Variants in CNBD1 observed in about 807,000 individuals in gnomAD.
CNBD1 encodes the protein cyclic nucleotide-binding domain-containing protein 1.
CNBD1 carries 71 observed loss-of-function variants against 54.4 expected under a neutral mutation model. That is an observed-to-expected ratio of 1.30 (90% CI 1.08 to 1.59). CNBD1 has a LOEUF of 1.59. CNBD1 is among the 40% of genes most tolerant of loss of function. The pLI is 0.00. For synonymous variants in CNBD1, 182 were observed against 170.7 expected, an observed-to-expected ratio of 1.07 and a Z score of -0.51; for missense variants, 659 against 518.0, an observed-to-expected ratio of 1.27 and a Z score of -2.64.
At chr8:87,087,349 G>T (rs1811121006) in intron 4 of CNBD1, among the ~76,000 whole-genome samples, 2 of 149,092 alleles carry the variant, frequency 1.3e-5, no homozygotes, top group Non-Finnish European at 3.0e-5. Flanking sequence ...TGTTTGGAGG[G>T]GATGAAGAGA....
chr8:87,242,174 G>T (rs1475297475), intron 6 of CNBD1, among the ~76,000 whole-genome samples: 2 of 152,134 alleles, frequency 1.3e-5, no homozygotes, highest in Non-Finnish European at 2.9e-5. Context: ...GGCCCTGGAA[G>T]ATATTGAAGT....
At chr8:87,040,367 T>A (rs1270311213) in intron 4 of CNBD1, among the ~76,000 whole-genome samples, 2 of 152,200 alleles carry the variant, frequency 1.3e-5, no homozygotes, top group Admixed American at 6.5e-5. Flanking sequence ...CAATGGTGAA[T>A]TCATGTGTAT....
intron 4 of CNBD1, among the ~76,000 whole-genome samples, chr8:87,064,022 T>A (rs1810596462): frequency 6.6e-6 from 1 of 152,070 alleles, no homozygotes. Context: ...TTCTCTTATA[T>A]ACAATCATAT....
intron 4 of CNBD1, among the ~76,000 whole-genome samples, chr8:87,137,374 T>C (rs1315862144): frequency 6.8e-6 from 1 of 146,362 alleles, no homozygotes; most frequent in Non-Finnish European, 1.5e-5. Context: ...TATTTTTGAA[T>C]TTTTTTTTTT....
At chr8:87,269,137 A>G (rs904728939) in intron 6 of CNBD1, among the ~76,000 whole-genome samples, 1 of 152,228 alleles carries the variant, frequency 6.6e-6, no homozygotes, top group Non-Finnish European at 1.5e-5. Flanking sequence ...CATTTTCTTC[A>G]TATGACTAGT....
intron 8 of CNBD1, among the ~76,000 whole-genome samples, chr8:87,321,507 A>T (rs556321484): frequency 1.3e-5 from 2 of 152,160 alleles, no homozygotes; most frequent in South Asian, 2.1e-4. Context: ...AGAAATATCT[A>T]TTCAAATCTC....
intron 4 of CNBD1, among the ~76,000 whole-genome samples, chr8:86,978,537 T>G (rs1397292629): frequency 1.4e-4 from 1 of 7,350 alleles, no homozygotes; most frequent in Non-Finnish European, 2.4e-4. Context: ...CTTTTATCTT[T>G]TTTTTTTTTT....
At chr8:87,422,749 C>G (rs571424497) in intron 2 of CNBD1, among the ~76,000 whole-genome samples, 2 of 152,182 alleles carry the variant, frequency 1.3e-5, no homozygotes, top group African/African-American at 4.8e-5. Flanking sequence ...ATTGACTTGA[C>G]GATGCGGGCT....
intron 1 of CNBD1, among the ~76,000 whole-genome samples, chr8:86,869,018 G>A (rs1443547583): frequency 6.6e-6 from 1 of 152,118 alleles, no homozygotes; most frequent in Non-Finnish European, 1.5e-5. Context: ...GGGGACAAAA[G>A]CCAAGGAATT....
chr8:86,924,944 A>G (rs749126869), intron 3 of CNBD1, among the ~76,000 whole-genome samples: 12 of 152,100 alleles, frequency 7.9e-5, no homozygotes, highest in Non-Finnish European at 1.8e-4. Context: ...TTAGCTGTAT[A>G]TTTTTCTATT....
intron 1 of CNBD1, among the ~76,000 whole-genome samples, chr8:86,877,672 A>G (rs765991544): frequency 6.6e-6 from 1 of 152,162 alleles, no homozygotes; most frequent in Non-Finnish European, 1.5e-5. Context: ...TAAATCATGT[A>G]TCATGATTTC....
intron 6 of CNBD1, among the ~76,000 whole-genome samples, chr8:87,241,169 G>A (rs913506909): frequency 2.0e-5 from 3 of 151,546 alleles, no homozygotes; most frequent in African/African-American, 4.9e-5. Context: ...TGAATTTACA[G>A]TTGAAGGAGT....
chr8:87,149,073 G>A (rs1563487294), intron 4 of CNBD1, among the ~76,000 whole-genome samples: 1 of 152,170 alleles, frequency 6.6e-6, no homozygotes, highest in South Asian at 2.1e-4. Context: ...AATCAATGGG[G>A]CACACAACTT....
intron 5 of CNBD1, among the ~76,000 whole-genome samples, chr8:87,213,115 G>A (rs1338070378): frequency 6.6e-6 from 1 of 152,082 alleles, no homozygotes; most frequent in Admixed American, 6.5e-5. Flanking sequence ...CAACATTATT[G>A]TCATTAAGCA....
downstream of CNBD1, chr8:87,382,875 A>G: frequency 2.7e-6 from 1 of 371,436 alleles, no homozygotes; most frequent in East Asian, 3.9e-5. Context: ...GTTGATACGA[A>G]GGTTTTCTTT....
At position 87,337,491 on chromosome 8, in the gene CNBD1, C is replaced by T. The variant is rs1272525754; in HGVS notation, c.1043-14194C>T. 2.0e-5 allele frequency among the ~76,000 whole-genome samples: 3 copies of T among 152,218 alleles called. No individual in the cohort carries two copies. In the South Asian group the frequency reaches 6.2e-4, roughly 31 times the overall value. ...CTCAGATGGCTTAGACTGCAGGCAG[C>T]TTCAGCAGTGGTGATGGCCATTCCC... On this transcript the variant is annotated intron_variant, in intron 8 of 10. Coordinates refer to ENST00000518476, the MANE Select transcript of CNBD1 (RefSeq NM_173538.3).
At chr8:87,281,594 A>G (rs1808603337) in intron 6 of CNBD1, among the ~76,000 whole-genome samples, 2 of 81,116 alleles carry the variant, frequency 2.5e-5, no homozygotes, top group Admixed American at 2.8e-4. Flanking sequence ...ATATATATAT[A>G]TATATATAAC....
intron 2 of CNBD1, among the ~76,000 whole-genome samples, chr8:86,903,011 T>C (rs562862610): frequency 3.3e-5 from 5 of 152,152 alleles, no homozygotes; most frequent in Non-Finnish European, 7.4e-5. Flanking sequence ...TGTTCCACAT[T>C]ACATTTTTGG....
intron 4 of CNBD1, among the ~76,000 whole-genome samples, chr8:87,016,167 C>G (rs796916765): frequency 3.3e-5 from 5 of 151,566 alleles, no homozygotes; most frequent in African/African-American, 1.2e-4. Flanking sequence ...ATTTATATAA[C>G]CTTAGTAATC....
Sources: gnomAD v4.1 joint callset for allele counts (sites outside exome capture counted in the v4.1 genomes callset) on GRCh38, gnomAD v4.1.1 for gene constraint, MANE v1.5 for transcripts, NCBI Gene and HGNC (gene_info 2026-07-23, HGNC 2026-07-21) for gene names.